The following TEX2 variants were observed in gnomAD, a reference collection of about 807,000 sequenced individuals.
TEX2 encodes testis expressed 2.
Under a neutral mutation model 106.9 loss-of-function variants are expected in TEX2, and 53 were observed. The ratio of observed to expected loss-of-function variants is 0.50; its 90% confidence interval spans 0.40 to 0.62. The LOEUF (loss-of-function observed/expected upper bound fraction) is 0.62, where lower values mean the gene tolerates loss of function less well. Among genes scored for constraint, TEX2 ranks in the 20% least tolerant of loss-of-function variants. The pLI, the probability that TEX2 is intolerant of heterozygous loss-of-function variation, is 0.00. For missense variants in TEX2, 1,207 were observed against 1,379.0 expected (o/e 0.88, Z 1.98); for synonymous variants, 523 against 534.8 (o/e 0.98, Z 0.30).
At chr17:64,171,323 G>A (rs374015769) in intron 6 of TEX2, 124 bp from the exon 7 acceptor site, 3 of 741,588 alleles carry the variant, frequency 4.0e-6, no homozygotes, top group African/African-American at 3.5e-5. Flanking sequence ...TTTATGTAAC[G>A]AAAACGTAAT....
chr17:64,223,357 C>CTTTTTTTTT (rs71158308), intron 1 of TEX2, among the ~76,000 whole-genome samples: 1 of 113,104 alleles, frequency 8.8e-6, no homozygotes, highest in Non-Finnish European at 1.7e-5. Context: ...CTGAATCTGG[C>CTTTTTTTTT]TTTTTTTTTT....
At chr17:64,176,317 C>A (rs1219112464) in intron 6 of TEX2, among the ~76,000 whole-genome samples, 1 of 152,164 alleles carries the variant, frequency 6.6e-6, no homozygotes, top group Non-Finnish European at 1.5e-5. Context: ...CTCCTCTATG[C>A]CCATATTTTC....
chr17:64,178,697 T>C (rs964989791), intron 5 of TEX2, among the ~76,000 whole-genome samples: 3 of 152,242 alleles, frequency 2.0e-5, no homozygotes. Context: ...ATGCAGAATC[T>C]GTGAATTATT....
At chr17:64,253,613 G>T (rs1342395639) in intron 1 of TEX2, among the ~76,000 whole-genome samples, 2 of 152,182 alleles carry the variant, frequency 1.3e-5, no homozygotes, top group Non-Finnish European at 2.9e-5. Context: ...AACAGTGGCA[G>T]AGAAGCTTCA....
At chr17:64,256,243 C>G (rs1159332044) in intron 1 of TEX2, among the ~76,000 whole-genome samples, 1 of 152,200 alleles carries the variant, frequency 6.6e-6, no homozygotes, top group Non-Finnish European at 1.5e-5. Context: ...AGTCAGCAAA[C>G]CCTACCCACA....
chr17:64,230,838 C>A (rs1273619439), intron 1 of TEX2: 1 of 152,194 alleles, frequency 6.6e-6, no homozygotes, highest in Admixed American at 6.5e-5. Flanking sequence ...TAGAGTCCTA[C>A]TTTTCTCTTT....
At chr17:64,172,990 T>C (rs748593405) in intron 6 of TEX2, among the ~76,000 whole-genome samples, 12 of 152,216 alleles carry the variant, frequency 7.9e-5, no homozygotes, top group Non-Finnish European at 1.8e-4. Context: ...AAATATTTAT[T>C]CCATTCATAA....
rs1555632540 is a variant in TEX2 at position 64,215,526 on chromosome 17, C to T, written c.-25-1284G>A. 3.3e-5 allele frequency among the ~76,000 whole-genome samples: 5 copies of T among 151,930 alleles called. No homozygotes were observed. In the East Asian group the frequency reaches 5.8e-4, roughly 18 times the overall value. The stretch of plus-strand genomic sequence containing the variant: ...GAGGCCATTGAGACAAAAGGGGCAT[C>T]GTGGGGCAGTGGAAAGAGCACCCAG... On this transcript the variant is annotated intron_variant, in intron 1 of 11. Transcript: ENST00000584379.
In TEX2 at chr17:64,149,099, A is replaced by G; in HGVS notation, c.3262-8T>C. ...TGGCATGACAAAAACTTTCTGTAGG[A>G]AGATATTAAAGAACAGCTATGTGGA... On this transcript the variant is annotated splice_region_variant and splice_polypyrimidine_tract_variant and intron_variant, in intron 11 of 11. Coordinates refer to ENST00000584379, the MANE Select transcript of TEX2 (RefSeq NM_001288732.2). 6.2e-7 allele frequency: 1 copy of G among 1,613,516 alleles called. No individual in the cohort carries two copies.
At chr17:64,215,703 G>C (rs782453255) in intron 1 of TEX2, among the ~76,000 whole-genome samples, 1 of 152,160 alleles carries the variant, frequency 6.6e-6, no homozygotes, top group Admixed American at 6.5e-5. Flanking sequence ...AACGCTACAC[G>C]TTTATGTTTA....
At chr17:64,172,642 C>T (rs749104091) in intron 6 of TEX2, among the ~76,000 whole-genome samples, 1 of 152,200 alleles carries the variant, frequency 6.6e-6, no homozygotes, top group Non-Finnish European at 1.5e-5. Context: ...TCCAAGTTCT[C>T]CTTGCCTTTG....
intron 1 of TEX2, among the ~76,000 whole-genome samples, chr17:64,219,853 A>G (rs1437407834): frequency 1.3e-5 from 2 of 152,230 alleles, no homozygotes; most frequent in Admixed American, 6.5e-5. Context: ...TACCCCACTC[A>G]GAGACGTCCA....
At chr17:64,200,672 C>T (rs1189561989) in intron 2 of TEX2, among the ~76,000 whole-genome samples, 2 of 152,184 alleles carry the variant, frequency 1.3e-5, no homozygotes, top group Non-Finnish European at 1.5e-5. Context: ...TCAAGTCCTA[C>T]CTACACAGTT....
chr17:64,218,137 T>C (rs2143149256), intron 1 of TEX2, among the ~76,000 whole-genome samples: 1 of 152,134 alleles, frequency 6.6e-6, no homozygotes, highest in East Asian at 1.9e-4. Context: ...TCCCAGCTAC[T>C]AGGGAGGCTG....
chr17:64,154,994 T>G, intron 8 of TEX2, 27 bp from the exon 9 acceptor site: 1 of 1,534,918 alleles, frequency 6.5e-7, no homozygotes, highest in Non-Finnish European at 8.7e-7. Flanking sequence ...TCACCACCAC[T>G]GCCTGCCCTC....
intron 5 of TEX2, among the ~76,000 whole-genome samples, chr17:64,181,545 T>A (rs1598149321): frequency 1.4e-5 from 2 of 143,116 alleles, no homozygotes; most frequent in East Asian, 4.1e-4. Context: ...TGAGAAGGAG[T>A]CTCGCTCTGT....
intron 1 of TEX2, among the ~76,000 whole-genome samples, chr17:64,226,977 C>T (rs1386321898): frequency 6.6e-6 from 1 of 152,116 alleles, no homozygotes; most frequent in Non-Finnish European, 1.5e-5. Flanking sequence ...CCTGTAATCC[C>T]AGCTCTTTGG....
At chr17:64,196,493 C>T (rs1163068257) in intron 2 of TEX2, among the ~76,000 whole-genome samples, 1 of 152,152 alleles carries the variant, frequency 6.6e-6, no homozygotes, top group African/African-American at 2.4e-5. Flanking sequence ...TTCTCTCCCT[C>T]CTCCCAAAGA....
At chr17:64,242,664 C>G (rs2033909409) in intron 1 of TEX2, among the ~76,000 whole-genome samples, 1 of 152,104 alleles carries the variant, frequency 6.6e-6, no homozygotes, top group South Asian at 2.1e-4. Context: ...GAAAGTACAG[C>G]AAAGGACTTA....
Sources: allele counts gnomAD v4.1 joint callset (sites outside exome capture counted in the v4.1 genomes callset), GRCh38; gene constraint gnomAD v4.1.1; transcripts MANE v1.5; gene names NCBI Gene and HGNC (gene_info 2026-07-23, HGNC 2026-07-21).